WDR37: variants seen among roughly 807,000 people sequenced by gnomAD.
WDR37 encodes WD repeat domain 37, also known as WD repeat-containing protein 37.
In WDR37, 19 loss-of-function variants were observed where a neutral mutation model predicts 62.9. The observed-to-expected ratio is 0.30, with a 90% CI of 0.21 to 0.44. WDR37 has a LOEUF of 0.44. Among genes scored for constraint, WDR37 ranks in the 20% least tolerant of loss-of-function variants. The probability of loss-of-function intolerance (pLI) is 1.00; values close to 1 mark genes in which losing one functional copy is unlikely to be tolerated. For synonymous variants in WDR37, 250 were observed against 260.9 expected (o/e 0.96, Z 0.40); for missense variants, 474 against 657.6 (o/e 0.72, Z 3.05).
chr10:1,106,730 T>A (rs1377266194), intron 11 of WDR37, among the ~76,000 whole-genome samples: 1 of 152,160 alleles, frequency 6.6e-6, no homozygotes, highest in Non-Finnish European at 1.5e-5. Context: ...TTGGTTGGGC[T>A]GGTCTTGAAC....
chr10:1,097,693 G>A (rs1184271624), intron 9 of WDR37, among the ~76,000 whole-genome samples: 2 of 152,216 alleles, frequency 1.3e-5, no homozygotes, highest in African/African-American at 2.4e-5. Flanking sequence ...GGAGGGTGGC[G>A]CATCCAGACC....
At chr10:1,060,928 C>T (rs911457704) in intron 1 of WDR37, among the ~76,000 whole-genome samples, 2 of 152,202 alleles carry the variant, frequency 1.3e-5, no homozygotes, top group African/African-American at 4.8e-5. Context: ...GCAGGCTGGG[C>T]CATCTAGCCT....
Position 1,130,056 on chromosome 10 carries a change from A to G in WDR37, c.*712A>G, listed in dbSNP as rs1395878343. The G allele has an allele frequency of 6.6e-6, 1 of 152,664 alleles. No individual in the cohort carries two copies. Among genetic ancestry groups the G allele is most frequent in the Non-Finnish European group, 1.5e-5 (1 of 68,048 alleles). 9.5% of individuals were successfully genotyped at this position (152,664 alleles called of 1,614,324 possible). A position where few individuals can be genotyped will look rare whatever the true frequency, so the allele number is the denominator to read the frequency against. On this transcript the variant is annotated 3_prime_UTR_variant, in exon 14 of 14. Coordinates refer to ENST00000263150, the MANE Select transcript of WDR37 (RefSeq NM_014023.4). The stretch of plus-strand genomic sequence containing the variant: ...ATTCTAATCACTGATTTCAAATATT[A>G]AGCAAAATGTAAAGCACTTTAATTT...
intron 11 of WDR37, among the ~76,000 whole-genome samples, chr10:1,110,654 C>T (rs188350197): frequency 5.3e-5 from 8 of 152,316 alleles, no homozygotes; most frequent in African/African-American, 1.4e-4. Context: ...GTGTGTGTTC[C>T]GTTTGGTCAC....
chr10:1,117,522 A>G (rs1218418828), intron 11 of WDR37, among the ~76,000 whole-genome samples: 1 of 152,242 alleles, frequency 6.6e-6, no homozygotes, highest in Non-Finnish European at 1.5e-5. Flanking sequence ...GAATCGCTCT[A>G]CTGGACAGCT....
intron 1 of WDR37, among the ~76,000 whole-genome samples, chr10:1,057,197 G>A (rs1833211028): frequency 6.6e-6 from 1 of 152,054 alleles, no homozygotes; most frequent in South Asian, 2.1e-4. Context: ...GAAGGGTTCA[G>A]GGTGCAAGAG....
intron 9 of WDR37, among the ~76,000 whole-genome samples, chr10:1,097,883 T>C (rs1394728254): frequency 1.3e-5 from 2 of 152,192 alleles, no homozygotes; most frequent in African/African-American, 4.8e-5. Context: ...GGTTCCGTGG[T>C]TTACGGCTGG....
At chr10:1,119,264 T>C (rs1835499563) in intron 11 of WDR37, among the ~76,000 whole-genome samples, 1 of 152,216 alleles carries the variant, frequency 6.6e-6, no homozygotes. Flanking sequence ...AGCTGAGTGC[T>C]GTTACTGAGT....
At position 1,121,448 on chromosome 10, in the gene WDR37, G is replaced by C. The variant is rs1056625506; in HGVS notation, c.1104-2770G>C. On this transcript the variant is annotated intron_variant, in intron 11 of 13. Coordinates refer to ENST00000263150, the MANE Select transcript of WDR37 (RefSeq NM_014023.4). This position sits in a 1 kb window ranked among gnomAD's most constrained non-coding sequence, Gnocchi z 4.5. Reference sequence around the variant, plus strand: ...GTGGCAGCGTCTGATTTATAGTCAAGCTCTCATGTTGTTCTTTATTTTTTT... The same window carrying C: ...GTGGCAGCGTCTGATTTATAGTCAACCTCTCATGTTGTTCTTTATTTTTTT... 1.3e-5 allele frequency among the ~76,000 whole-genome samples: 2 copies of C among 152,128 alleles called. No homozygotes were observed. Among genetic ancestry groups the C allele is most frequent in the Non-Finnish European group, 2.9e-5 (2 of 68,034 alleles).
chr10:1,090,616 CT>C (rs1235059644), intron 7 of WDR37, among the ~76,000 whole-genome samples: 1 of 147,954 alleles, frequency 6.8e-6, no homozygotes, highest in Non-Finnish European at 1.5e-5. Flanking sequence ...CAACAGCAGA[CT>C]CCCCGCTCTG....
intron 2 of WDR37, among the ~76,000 whole-genome samples, chr10:1,075,592 G>A (rs1820478703): frequency 6.6e-6 from 1 of 152,140 alleles, no homozygotes; most frequent in African/African-American, 2.4e-5. Context: ...GATGGGTATA[G>A]ATGAGTAGGA....
At chr10:1,082,951 A>G (rs985167647) in intron 5 of WDR37, among the ~76,000 whole-genome samples, 9 of 152,332 alleles carry the variant, frequency 5.9e-5, no homozygotes, top group African/African-American at 2.2e-4. Flanking sequence ...ATTTACGACA[A>G]TACTGTTACT....
rs957274536 is a variant in WDR37 at position 1,080,586 on chromosome 10, G to A, written c.396+110G>A. Reference sequence around the variant, plus strand: ...AAAGGCATAGCAGAAAAAGATAAATGGTTTTAAGGGAAATTTAGTTTTTTA... The same window carrying A: ...AAAGGCATAGCAGAAAAAGATAAATAGTTTTAAGGGAAATTTAGTTTTTTA... On this transcript the variant is annotated intron_variant, in intron 5 of 13. Transcript: ENST00000263150. 4 of 1,292,772 alleles carry A rather than the reference G, an allele frequency of 3.1e-6. No individual in the cohort carries two copies. The African/African-American group carries it at 6.0e-5, about 19-fold the overall frequency. 80.1% of individuals were successfully genotyped at this position (1,292,772 alleles called of 1,614,324 possible).
rs1287174962 is a variant in WDR37 at position 1,121,157 on chromosome 10, TC to T, written c.1104-3060del. ...TGCTGCCTCTTTGCCAGTTCTTTTT[TC>T]TTTTGATGTCCGACAATACTTGTCA... On this transcript the variant is annotated intron_variant, in intron 11 of 13. Coordinates refer to ENST00000263150, the MANE Select transcript of WDR37 (RefSeq NM_014023.4). The surrounding 1 kb of genome is among the most constrained non-coding windows in gnomAD (Gnocchi z 4.5). 1.3e-5 allele frequency among the ~76,000 whole-genome samples: 2 copies of T among 152,260 alleles called. No homozygotes were observed. The highest frequency in any genetic ancestry group is 2.9e-5 in the Non-Finnish European group (2 of 68,048).
chr10:1,082,549 C>T (rs959407798), intron 5 of WDR37, among the ~76,000 whole-genome samples: 7 of 152,174 alleles, frequency 4.6e-5, no homozygotes, highest in Non-Finnish European at 7.3e-5. Flanking sequence ...GGATGATGGG[C>T]GTGAGCGTCA....
Position 1,062,377 on chromosome 10 carries a change from A to G in WDR37, c.-41+5409A>G, listed in dbSNP as rs752788242. ...ACTTATAATTTTGATGAGAAAGGAA[A>G]GGTGATATTGTAATCTCTGCATTTT... On this transcript the variant is annotated intron_variant, in intron 1 of 13. Coordinates refer to ENST00000263150, the MANE Select transcript of WDR37 (RefSeq NM_014023.4). Among the ~76,000 whole-genome samples the G allele has an allele frequency of 3.3e-4, 50 of 152,356 alleles. 1 individual carries two copies. The highest frequency in any genetic ancestry group is 6.0e-4 in the Non-Finnish European group (41 of 68,042).
At position 1,121,502 on chromosome 10, in the gene WDR37, T is replaced by G. The variant is rs1382005539; in HGVS notation, c.1104-2716T>G. 6.6e-6 allele frequency among the ~76,000 whole-genome samples: 1 copy of G among 152,150 alleles called. No individual in the cohort carries two copies. Among genetic ancestry groups the G allele is most frequent in the Non-Finnish European group, 1.5e-5 (1 of 68,028 alleles). The stretch of plus-strand genomic sequence containing the variant: ...TGAAGACTCTGGAGGAGTTACTGGG[T>G]TGATTTTGCAGTCTCTCTCCTCTGC... On this transcript the variant is annotated intron_variant, in intron 11 of 13. Transcript: ENST00000263150. This position sits in a 1 kb window ranked among gnomAD's most constrained non-coding sequence, Gnocchi z 4.5.
intron 11 of WDR37, among the ~76,000 whole-genome samples, chr10:1,113,549 G>A (rs968931940): frequency 6.6e-6 from 1 of 152,214 alleles, no homozygotes; most frequent in Non-Finnish European, 1.5e-5. Context: ...TTCTGGAAAG[G>A]ATTTATCATT....
At chr10:1,126,932 G>A (rs899562434) in intron 13 of WDR37, among the ~76,000 whole-genome samples, 1 of 152,188 alleles carries the variant, frequency 6.6e-6, no homozygotes, top group African/African-American at 2.4e-5. Context: ...CATGAAATTA[G>A]AGTGACTAAA....
Sources: allele counts gnomAD v4.1 joint callset (sites outside exome capture counted in the v4.1 genomes callset), GRCh38; gene constraint gnomAD v4.1.1; non-coding constraint Gnocchi (gnomAD v3.1); transcripts MANE v1.5; gene names NCBI Gene and HGNC (gene_info 2026-07-23, HGNC 2026-07-21).